ARFGEF3: variants seen among roughly 807,000 people sequenced by gnomAD.
ARFGEF3 encodes the protein ARFGEF family member 3, also known as brefeldin A-inhibited guanine nucleotide-exchange protein 3.
Under a neutral mutation model 221.7 loss-of-function variants are expected in ARFGEF3, and 96 were observed. That is an observed-to-expected ratio of 0.43 (90% CI 0.37 to 0.51). ARFGEF3 has a LOEUF of 0.51. Ranked by LOEUF, ARFGEF3 falls within the 20% of genes least tolerant of loss-of-function variation. The probability of loss-of-function intolerance (pLI) is 0.00; values close to 1 mark genes in which losing one functional copy is unlikely to be tolerated. For missense variants in ARFGEF3, 2,410 were observed against 2,789.9 expected (o/e 0.86, Z 3.07); for synonymous variants, 1,145 against 1,126.8 (o/e 1.02, Z -0.32).
At chr6:138,242,928 G>C (rs1434521184) in intron 6 of ARFGEF3, 24 bp from the exon 7 acceptor site, 1 of 1,578,732 alleles carries the variant, frequency 6.3e-7, no homozygotes, top group African/African-American at 1.3e-5. Flanking sequence ...TCTCCTAATT[G>C]TGTGTGTGTA....
intron 14 of ARFGEF3, 25 bp from the exon 15 acceptor site, chr6:138,285,921 A>T (rs776059832): frequency 1.3e-6 from 2 of 1,502,386 alleles, no homozygotes; most frequent in Admixed American, 3.3e-5. Flanking sequence ...TATTTAGGGA[A>T]AACTTCTTTC....
intron 4 of ARFGEF3, among the ~76,000 whole-genome samples, chr6:138,223,415 A>G (rs1778017853): frequency 6.6e-6 from 1 of 152,220 alleles, no homozygotes; most frequent in South Asian, 2.1e-4. Flanking sequence ...CCTGGCATTA[A>G]GGTTTTCACC....
In ARFGEF3 at chr6:138,260,515, A is replaced by T. The variant is rs574513290; in HGVS notation, c.1105-1012A>T. Among the ~76,000 whole-genome samples, 165 of 152,352 alleles carry T rather than the reference A, an allele frequency of 1.1e-3. 2 individuals carry two copies. Among genetic ancestry groups the T allele is most frequent in the African/African-American group, 3.9e-3 (162 of 41,586 alleles). On this transcript the variant is annotated intron_variant, in intron 10 of 33. Transcript: ENST00000251691. ...AACAATTATGAACAGTCTACATATG[A>T]AAACTTGTGAGAAGAAATAAATGGG...
At chr6:138,236,355 A>G (rs1341567003) in intron 5 of ARFGEF3, among the ~76,000 whole-genome samples, 1 of 152,258 alleles carries the variant, frequency 6.6e-6, no homozygotes, top group Admixed American at 6.5e-5. Flanking sequence ...CTGTTAAATT[A>G]TGAAGTACAA....
chr6:138,265,192 T>C lies in ARFGEF3; in HGVS notation c.2128+1581T>C, dbSNP rs139073663. 3.1e-3 allele frequency among the ~76,000 whole-genome samples: 466 copies of C among 152,246 alleles called. 1 individual carries two copies. The highest frequency in any genetic ancestry group is 5.6e-3 in the Admixed American group (85 of 15,290). On this transcript the variant is annotated intron_variant, in intron 12 of 33. Coordinates refer to ENST00000251691, the MANE Select transcript of ARFGEF3 (RefSeq NM_020340.5). ...TGCTGGGATTACAGGCATGAGCCAC[T>C]GCGCCCGGCTGGAACATTTTTTAAT...
intron 4 of ARFGEF3, among the ~76,000 whole-genome samples, chr6:138,219,833 A>G (rs1777946807): frequency 6.6e-6 from 1 of 152,090 alleles, no homozygotes; most frequent in Non-Finnish European, 1.5e-5. Context: ...TAAAAGATGA[A>G]TTTAAAGAAG....
intron 2 of ARFGEF3, among the ~76,000 whole-genome samples, chr6:138,205,529 A>G (rs963533946): frequency 2.0e-5 from 3 of 152,210 alleles, no homozygotes; most frequent in Non-Finnish European, 4.4e-5. Context: ...TAAACTGGTT[A>G]TCATTGCATA....
At chr6:138,213,456 A>C (rs756329998) in intron 4 of ARFGEF3, among the ~76,000 whole-genome samples, 41 of 151,880 alleles carry the variant, frequency 2.7e-4, no homozygotes, top group Non-Finnish European at 4.3e-4. Context: ...CTGTCTCAAA[A>C]AAAAAAATAT....
intron 32 of ARFGEF3, among the ~76,000 whole-genome samples, chr6:138,330,972 A>G (rs1001885244): frequency 6.6e-6 from 1 of 152,230 alleles, no homozygotes; most frequent in African/African-American, 2.4e-5. Context: ...CAATCCTTTG[A>G]CATCTTTAAG....
At chr6:138,295,368 C>T (rs542582625) in intron 20 of ARFGEF3, among the ~76,000 whole-genome samples, 3 of 151,910 alleles carry the variant, frequency 2.0e-5, no homozygotes, top group African/African-American at 7.2e-5. Context: ...GCCTATAATC[C>T]CAGCACTTTA....
chr6:138,278,419 AC>A, intron 12 of ARFGEF3, 31 bp from the exon 13 acceptor site: 2 of 1,607,442 alleles, frequency 1.2e-6, no homozygotes, highest in Non-Finnish European at 1.7e-6. Flanking sequence ...CACTGTTCAC[AC>A]CCCCAAAAGT....
chr6:138,319,903 C>A lies in ARFGEF3; in HGVS notation c.4651+24C>A. ...AGGTATCTGAAGTGCCAGAGCAGTT[C>A]ATTCTGGGTATTTCTTTGGTAGACA... is the stretch of plus-strand genomic sequence containing the variant. On this transcript the variant is annotated intron_variant, in intron 28 of 33. Coordinates refer to ENST00000251691, the MANE Select transcript of ARFGEF3 (RefSeq NM_020340.5). 2 of 1,607,102 alleles carry A rather than the reference C, an allele frequency of 1.2e-6. 1 individual carries two copies. The highest frequency in any genetic ancestry group is 2.7e-5 in the African/African-American group (2 of 74,878).
intron 1 of ARFGEF3, among the ~76,000 whole-genome samples, chr6:138,163,958 T>A (rs1477245593): frequency 6.6e-6 from 1 of 152,100 alleles, no homozygotes; most frequent in South Asian, 2.1e-4. Flanking sequence ...GCTTTTGAAG[T>A]AGATTTCACT....
chr6:138,217,979 G>A (rs772438345), intron 4 of ARFGEF3: 8 of 1,596,704 alleles, frequency 5.0e-6, no homozygotes, highest in Non-Finnish European at 6.8e-6. Context: ...TTGCAGCAGG[G>A]CTGAGAGTTT....
At chr6:138,302,268 A>C (rs1464431197) in intron 22 of ARFGEF3, among the ~76,000 whole-genome samples, 3 of 152,222 alleles carry the variant, frequency 2.0e-5, no homozygotes, top group Admixed American at 6.5e-5. Flanking sequence ...GAGCTATAAA[A>C]ATGTAAATTT....
chr6:138,277,607 A>G (rs1488958277), intron 12 of ARFGEF3, among the ~76,000 whole-genome samples: 1 of 152,210 alleles, frequency 6.6e-6, no homozygotes, highest in Non-Finnish European at 1.5e-5. Context: ...TCTAATTCCC[A>G]TGCAATCATA....
intron 12 of ARFGEF3, among the ~76,000 whole-genome samples, chr6:138,266,118 CG>C (rs1252805929): frequency 6.6e-6 from 1 of 151,936 alleles, no homozygotes; most frequent in Non-Finnish European, 1.5e-5. Flanking sequence ...GAGGCTGAGG[CG>C]GGGGGATCAC....
intron 4 of ARFGEF3, among the ~76,000 whole-genome samples, chr6:138,215,704 A>G (rs1384658506): frequency 6.6e-6 from 1 of 152,050 alleles, no homozygotes; most frequent in Non-Finnish European, 1.5e-5. Context: ...GAGGGGTAAA[A>G]CTAGGAGTGG....
At chr6:138,305,383 T>C (rs1779701351) in intron 22 of ARFGEF3, among the ~76,000 whole-genome samples, 1 of 151,954 alleles carries the variant, frequency 6.6e-6, no homozygotes, top group Non-Finnish European at 1.5e-5. Flanking sequence ...GAAGGTTTGC[T>C]TGAGTCTAGG....
Sources: gnomAD v4.1 joint callset for allele counts (sites outside exome capture counted in the v4.1 genomes callset) on GRCh38, gnomAD v4.1.1 for gene constraint, MANE v1.5 for transcripts, NCBI Gene and HGNC (gene_info 2026-07-23, HGNC 2026-07-21) for gene names.